The following DLGAP1 variants were observed in gnomAD, a reference collection of about 807,000 sequenced individuals.
DLGAP1 encodes the protein DLG associated protein 1, also known as disks large-associated protein 1.
In DLGAP1, 11 loss-of-function variants were observed where a neutral mutation model predicts 90.8. The observed-to-expected ratio is 0.12, with a 90% CI of 0.08 to 0.20. DLGAP1 has a LOEUF of 0.20. DLGAP1 is among the 10% of genes least tolerant of loss of function. The pLI is 1.00. For synonymous variants in DLGAP1, 558 were observed against 540.7 expected (o/e 1.03, Z -0.44); for missense variants, 1,050 against 1,333.8 (o/e 0.79, Z 3.31).
At chr18:4,341,598 G>T (rs1044071335) in intron 1 of DLGAP1, among the ~76,000 whole-genome samples, 1 of 151,974 alleles carries the variant, frequency 6.6e-6, no homozygotes, top group Non-Finnish European at 1.5e-5. Flanking sequence ...CAGACATTTG[G>T]GGTTTCTTTT....
chr18:3,577,131 G>T (rs1041336676), intron 8 of DLGAP1, among the ~76,000 whole-genome samples: 4 of 152,100 alleles, frequency 2.6e-5, no homozygotes, highest in Non-Finnish European at 4.4e-5. Context: ...AAAGTGCAGG[G>T]ATTACAGGGG....
intron 2 of DLGAP1, among the ~76,000 whole-genome samples, chr18:4,064,930 C>T (rs113207786): frequency 0.087 from 13,264 of 152,088 alleles, 695 homozygotes; most frequent in East Asian, 0.17. Flanking sequence ...AAATCCTCAA[C>T]AAAATACTGA....
At chr18:3,798,404 C>G (rs554902864) in intron 5 of DLGAP1, among the ~76,000 whole-genome samples, 1 of 152,132 alleles carries the variant, frequency 6.6e-6, no homozygotes, top group Non-Finnish European at 1.5e-5. Context: ...GAAGGAAGTA[C>G]CTTCCTTTTA....
chr18:4,444,842 G>A (rs139159252), intron 1 of DLGAP1, among the ~76,000 whole-genome samples: 2 of 152,254 alleles, frequency 1.3e-5, no homozygotes, highest in East Asian at 3.9e-4. Context: ...ACTCATTTAA[G>A]CCTTTCAAAA....
chr18:4,274,730 T>C (rs1179206946), intron 1 of DLGAP1, among the ~76,000 whole-genome samples: 1 of 152,160 alleles, frequency 6.6e-6, no homozygotes, highest in Non-Finnish European at 1.5e-5. Flanking sequence ...ACCACAACAA[T>C]TGAGTATTTG....
rs538778403 is a variant in DLGAP1 at position 3,752,632 on chromosome 18, AC to A, written c.1173-10121del. Reference sequence around the variant, plus strand: ...TCTCTTTCTCCCTCTCCCCCTCCCCACCCCCCTCTCTCTCTCTCCTTCCTTT... The same window carrying A: ...TCTCTTTCTCCCTCTCCCCCTCCCCACCCCCTCTCTCTCTCTCCTTCCTTT... On this transcript the variant is annotated intron_variant, in intron 5 of 12. Transcript: ENST00000315677. Among the ~76,000 whole-genome samples the A allele has an allele frequency of 7.7e-3, 361 of 46,612 alleles. 3 individuals are homozygous for A. The highest frequency in any genetic ancestry group is 0.028 in the African/African-American group (349 of 12,408). 30.6% of individuals were successfully genotyped at this position (46,612 alleles called of 152,430 possible). A position where few individuals can be genotyped will look rare whatever the true frequency, so the allele number is the denominator to read the frequency against.
intron 3 of DLGAP1, among the ~76,000 whole-genome samples, chr18:3,892,956 GT>G (rs1027595195): frequency 7.3e-4 from 109 of 150,142 alleles, no homozygotes; most frequent in African/African-American, 2.6e-3. Flanking sequence ...TACAAGTGCA[GT>G]TTTGTTACAT....
intron 1 of DLGAP1, among the ~76,000 whole-genome samples, chr18:4,239,643 A>G (rs1429961883): frequency 6.6e-6 from 1 of 152,240 alleles, no homozygotes; most frequent in Admixed American, 6.5e-5. Context: ...CTCTGGAGCC[A>G]CAACTAAATT....
intron 2 of DLGAP1, among the ~76,000 whole-genome samples, chr18:4,022,485 T>C (rs2074629117): frequency 6.6e-6 from 1 of 152,082 alleles, no homozygotes; most frequent in Admixed American, 6.6e-5. Context: ...TTTACATAGA[T>C]GATACTGTGG....
chr18:3,596,010 C>T (rs2056554353), intron 7 of DLGAP1, among the ~76,000 whole-genome samples: 1 of 152,156 alleles, frequency 6.6e-6, no homozygotes, highest in African/African-American at 2.4e-5. Context: ...GATTCAGGCC[C>T]AAGGTCAGGG....
chr18:4,369,988 CAGA>C (rs1347452006), intron 1 of DLGAP1, among the ~76,000 whole-genome samples: 1 of 151,756 alleles, frequency 6.6e-6, no homozygotes, highest in Non-Finnish European at 1.5e-5. Context: ...ATTGCTGTTA[CAGA>C]AGGAGAAGCA....
chr18:4,235,868 G>A (rs1461765134), intron 1 of DLGAP1, among the ~76,000 whole-genome samples: 6 of 151,984 alleles, frequency 3.9e-5, no homozygotes, highest in Admixed American at 3.9e-4. Context: ...TGGGATTGCA[G>A]GCATGCGCCA....
intron 3 of DLGAP1, among the ~76,000 whole-genome samples, chr18:3,980,718 C>T (rs556558754): frequency 1.3e-3 from 202 of 152,034 alleles, no homozygotes; most frequent in Non-Finnish European, 2.5e-3. Flanking sequence ...TTTTGCAGGT[C>T]GCTTTTTACA....
chr18:3,546,797 C>T (rs2053054386), intron 9 of DLGAP1, among the ~76,000 whole-genome samples: 1 of 151,976 alleles, frequency 6.6e-6, no homozygotes, highest in Admixed American at 6.6e-5. Context: ...GCTCAGCTTC[C>T]ACCTTAAACT....
rs1280657921 is a variant in DLGAP1, at chr18:4,378,065, AATAT to A, written c.-267+76937_-267+76940del. ...GTGTTTTTATATATACATATTATAA[AATAT>A]ATATATCACTTTTCAATCTTTTTTC... On this transcript the variant is annotated intron_variant, in intron 1 of 12. Coordinates refer to ENST00000315677, the MANE Select transcript of DLGAP1 (RefSeq NM_004746.4). This position sits in a 1 kb window ranked among gnomAD's most constrained non-coding sequence, Gnocchi z 4.5. Among the ~76,000 whole-genome samples, 1 of 149,146 alleles carries A rather than the reference AATAT, an allele frequency of 6.7e-6. No homozygotes were observed. Among genetic ancestry groups the A allele is most frequent in the South Asian group, 2.1e-4 (1 of 4,794 alleles).
chr18:4,058,421 T>A (rs2075253547), intron 2 of DLGAP1, among the ~76,000 whole-genome samples: 1 of 152,230 alleles, frequency 6.6e-6, no homozygotes, highest in Admixed American at 6.5e-5. Flanking sequence ...TACCATATAC[T>A]TTTTGTTCCT....
chr18:3,835,864 G>A lies in DLGAP1; in HGVS notation c.958-21591C>T, dbSNP rs12608127. 3.3e-5 allele frequency among the ~76,000 whole-genome samples: 5 copies of A among 152,150 alleles called. No homozygotes were observed. The East Asian group carries it at 9.7e-4, about 29-fold the overall frequency. On this transcript the variant is annotated intron_variant, in intron 4 of 12. Transcript: ENST00000315677. ...CCCTTCTCCCTTCCAATTATGTAGT[G>A]CCTCCCCGCCATCGCCATCATTCTT... is the stretch of plus-strand genomic sequence containing the variant.
chr18:4,235,216 C>A (rs573112353), intron 1 of DLGAP1, among the ~76,000 whole-genome samples: 1 of 152,292 alleles, frequency 6.6e-6, no homozygotes, highest in Admixed American at 6.5e-5. Flanking sequence ...TGTACCCTCA[C>A]GGGCCCACCA....
rs2049783867 is a variant in DLGAP1 at position 3,498,919 on chromosome 18, G to A, written c.*266C>T. 6.0e-6 allele frequency: 3 copies of A among 500,194 alleles called. No individual in the cohort carries two copies. The Admixed American group carries it at 1.1e-4, about 19-fold the overall frequency. The allele number at this position is 500,194 out of a possible 1,614,324, so 31.0% of individuals were successfully genotyped here. On this transcript the variant is annotated 3_prime_UTR_variant, in exon 13 of 13. Transcript: ENST00000315677. ...GTTTGGCTTTGCCCAGAAAATAAAGGGTTGGATCTCAGTATGAGGCAGGGC... is the reference window on the plus strand; with the variant it reads ...GTTTGGCTTTGCCCAGAAAATAAAGAGTTGGATCTCAGTATGAGGCAGGGC...
Sources: gnomAD v4.1 joint callset for allele counts (sites outside exome capture counted in the v4.1 genomes callset) on GRCh38, gnomAD v4.1.1 for gene constraint, Gnocchi (gnomAD v3.1) non-coding constraint, MANE v1.5 for transcripts, NCBI Gene and HGNC (gene_info 2026-07-23, HGNC 2026-07-21) for gene names.